Variants in SPAG16 observed in about 807,000 individuals in gnomAD.
The protein encoded by SPAG16 is sperm-associated antigen 16 protein.
In SPAG16, 86 loss-of-function variants were observed where a neutral mutation model predicts 80.4. The ratio of observed to expected loss-of-function variants is 1.07; its 90% confidence interval spans 0.90 to 1.28. The LOEUF (loss-of-function observed/expected upper bound fraction) is 1.28. SPAG16 is among the 50% of genes most tolerant of loss of function. The probability of loss-of-function intolerance (pLI) is 0.00; values close to 1 mark genes in which losing one functional copy is unlikely to be tolerated. For missense variants in SPAG16, 870 were observed against 765.3 expected (o/e 1.14, Z -1.61); for synonymous variants, 294 against 265.9 (o/e 1.11, Z -1.03).
At chr2:213,520,157 C>T (rs1011718950) in intron 10 of SPAG16, among the ~76,000 whole-genome samples, 1 of 151,608 alleles carries the variant, frequency 6.6e-6, no homozygotes, top group South Asian at 2.1e-4. Flanking sequence ...CTACCACAAG[C>T]CAAGGAATGA....
chr2:213,354,815 C>T (rs1281963793), intron 7 of SPAG16, among the ~76,000 whole-genome samples: 2 of 152,098 alleles, frequency 1.3e-5, no homozygotes, highest in Admixed American at 6.5e-5. Flanking sequence ...GTGTAGGTTA[C>T]CTGTTCACTC....
intron 12 of SPAG16, among the ~76,000 whole-genome samples, chr2:214,000,244 C>A (rs114972622): frequency 2.0e-5 from 3 of 152,062 alleles, no homozygotes; most frequent in African/African-American, 7.2e-5. Flanking sequence ...ATTATCAGAG[C>A]GGTTTCCCCC....
chr2:213,538,033 A>T (rs2076309928), intron 10 of SPAG16, among the ~76,000 whole-genome samples: 1 of 152,186 alleles, frequency 6.6e-6, no homozygotes, highest in South Asian at 2.1e-4. Flanking sequence ...CTCTACTTTT[A>T]TGAGGTTTTT....
chr2:213,837,553 C>T (rs1055766915), intron 10 of SPAG16, among the ~76,000 whole-genome samples: 9 of 152,124 alleles, frequency 5.9e-5, no homozygotes, highest in African/African-American at 7.2e-5. Context: ...GCAACTAAGA[C>T]ATCGGGCTAT....
At chr2:214,067,382 T>C (rs573077682) in intron 13 of SPAG16, among the ~76,000 whole-genome samples, 5 of 152,310 alleles carry the variant, frequency 3.3e-5, no homozygotes, top group Non-Finnish European at 7.4e-5. Flanking sequence ...GAGGTTTTAA[T>C]AGTAGTCCTT....
intron 15 of SPAG16, among the ~76,000 whole-genome samples, chr2:214,305,072 A>T (rs1020679186): frequency 2.0e-5 from 3 of 152,136 alleles, no homozygotes; most frequent in African/African-American, 7.2e-5. Context: ...AGCCATTCTG[A>T]CTGGTGTGAG....
At chr2:213,356,376 T>C (rs1157352013) in intron 7 of SPAG16, among the ~76,000 whole-genome samples, 2 of 152,136 alleles carry the variant, frequency 1.3e-5, no homozygotes, top group Non-Finnish European at 2.9e-5. Flanking sequence ...CTGTCTGATC[T>C]TGGACTTTAT....
At chr2:214,311,892 A>G (rs141147573) in intron 15 of SPAG16, among the ~76,000 whole-genome samples, 69 of 152,330 alleles carry the variant, frequency 4.5e-4, no homozygotes, top group African/African-American at 1.6e-3. Context: ...CCCACTCTAC[A>G]TAGCATACTT....
At chr2:213,407,637 G>C (rs13410750) in intron 9 of SPAG16, among the ~76,000 whole-genome samples, 41,157 of 98,248 alleles carry the variant, frequency 0.42, 6,905 homozygotes, top group Middle Eastern at 0.61. Flanking sequence ...GAGAGAGAGA[G>C]AGACAGACAG....
chr2:213,463,241 A>T (rs1575652932), intron 9 of SPAG16, among the ~76,000 whole-genome samples: 1 of 152,188 alleles, frequency 6.6e-6, no homozygotes, highest in Non-Finnish European at 1.5e-5. Flanking sequence ...AGGAAGTAGA[A>T]CACAAAAGTT....
intron 15 of SPAG16, among the ~76,000 whole-genome samples, chr2:214,313,886 G>T (rs1478557982): frequency 6.6e-6 from 1 of 151,750 alleles, no homozygotes; most frequent in Admixed American, 6.6e-5. Context: ...ACAATGGCTC[G>T]TATCTTTATT....
At chr2:214,012,283 T>TTTTTATACTTAC (rs2047336026) in intron 12 of SPAG16, among the ~76,000 whole-genome samples, 2 of 54,368 alleles carry the variant, frequency 3.7e-5, no homozygotes, top group African/African-American at 1.8e-4. Context: ...TATATATATA[T>TTTTTATACTTAC]ATATATTTTT....
chr2:213,728,576 C>T (rs193242404), intron 10 of SPAG16, among the ~76,000 whole-genome samples: 63 of 152,050 alleles, frequency 4.1e-4, no homozygotes, highest in Non-Finnish European at 6.0e-4. Flanking sequence ...TTGCTTTATA[C>T]AAAAAGGAGA....
intron 12 of SPAG16, among the ~76,000 whole-genome samples, chr2:214,012,259 C>CATATATATATATATATATAT (rs1163146309): frequency 2.5e-5 from 1 of 39,834 alleles, no homozygotes; most frequent in African/African-American, 7.7e-5. Context: ...TTTATACTTA[C>CATATATATATATATATATAT]ATATATATAT....
intron 10 of SPAG16, among the ~76,000 whole-genome samples, chr2:213,769,191 C>T (rs1284292027): frequency 2.0e-5 from 3 of 152,156 alleles, no homozygotes; most frequent in African/African-American, 7.2e-5. Flanking sequence ...ATAAAGTCAA[C>T]TCTAAGTTAA....
At chr2:214,288,958 CG>C (rs1693591273) in intron 15 of SPAG16, among the ~76,000 whole-genome samples, 1 of 151,898 alleles carries the variant, frequency 6.6e-6, no homozygotes, top group Admixed American at 6.6e-5. Flanking sequence ...TTAGTAGAGA[CG>C]GGGTTTCACC....
intron 15 of SPAG16, among the ~76,000 whole-genome samples, chr2:214,329,307 A>G (rs1696721849): frequency 6.6e-6 from 1 of 151,864 alleles, no homozygotes; most frequent in Admixed American, 6.6e-5. Context: ...AAGAATTCTT[A>G]TTATGTTTTA....
intron 15 of SPAG16, among the ~76,000 whole-genome samples, chr2:214,351,126 C>A (rs1698375333): frequency 6.6e-6 from 1 of 151,982 alleles, no homozygotes; most frequent in South Asian, 2.1e-4. Flanking sequence ...TTATTGTAAT[C>A]CTTCCGTGAC....
chr2:213,625,942 G>A (rs939872169), intron 10 of SPAG16, among the ~76,000 whole-genome samples: 26 of 151,940 alleles, frequency 1.7e-4, no homozygotes, highest in African/African-American at 5.3e-4. Flanking sequence ...CACCCGCCTC[G>A]GTCTCCCAAA....
Sources: allele counts gnomAD v4.1 joint callset (sites outside exome capture counted in the v4.1 genomes callset), GRCh38; gene constraint gnomAD v4.1.1; transcripts MANE v1.5; gene names NCBI Gene and HGNC (gene_info 2026-07-23, HGNC 2026-07-21).